Variants in ZHX2 observed in about 807,000 individuals in gnomAD.
ZHX2 encodes zinc fingers and homeoboxes 2.
ZHX2 carries 6 observed loss-of-function variants against 21.9 expected under a neutral mutation model. That is an observed-to-expected ratio of 0.27 (90% CI 0.15 to 0.54). The LOEUF is 0.54. Ranked by LOEUF, ZHX2 falls within the 20% of genes least tolerant of loss-of-function variation. ZHX2 has a pLI of 0.95. For missense variants in ZHX2, 908 were observed against 1,090.7 expected (o/e 0.83, Z 2.36); for synonymous variants, 434 against 437.1 (o/e 0.99, Z 0.09).
rs1445239644 is a variant in ZHX2, at chr8:122,828,351, A to G, written c.-282-35126A>G. ...GCATGTGCGTGTGTGTGTTAGTGAT[A>G]TGGAGGAAGAGGATCTCACTCACAC... On this transcript the variant is annotated intron_variant, in intron 1 of 3. Transcript: ENST00000314393. This position sits in a 1 kb window ranked among gnomAD's most constrained non-coding sequence, Gnocchi z 5.2. 6.6e-6 allele frequency among the ~76,000 whole-genome samples: 1 copy of G among 152,216 alleles called. No homozygotes were observed. Among genetic ancestry groups the G allele is most frequent in the Non-Finnish European group, 1.5e-5 (1 of 68,034 alleles).
In ZHX2 at chr8:122,953,106, G is replaced by A; in HGVS notation, c.1596G>A (p.Lys532=). 2.5e-6 allele frequency: 4 copies of A among 1,613,936 alleles called. No individual in the cohort carries two copies. The highest frequency in any genetic ancestry group is 3.4e-6 in the Non-Finnish European group (4 of 1,180,026). Residue 532 remains lysine (K), a synonymous_variant, in exon 3 of 4, where the codon AAG becomes AAA. Transcript: ENST00000314393. This position sits in a 1 kb window ranked among gnomAD's most constrained non-coding sequence, Gnocchi z 4.6. ...YHAYPDFAPQ[K]FKEKTQGQVK... The stretch of plus-strand genomic sequence containing the variant: ...CGTACCCAGACTTTGCCCCCCAGAA[G>A]TTCAAAGAGAAAACACAGGGTCAGG...
chr8:122,960,940 A>C (rs1423727071), intron 3 of ZHX2, among the ~76,000 whole-genome samples: 1 of 152,232 alleles, frequency 6.6e-6, no homozygotes, highest in African/African-American at 2.4e-5. Context: ...CATCTGCCCT[A>C]GTGGAAAATG....
At chr8:122,905,420 A>C (rs1820324236) in intron 2 of ZHX2, among the ~76,000 whole-genome samples, 1 of 152,244 alleles carries the variant, frequency 6.6e-6, no homozygotes, top group South Asian at 2.1e-4. Context: ...TATATCCATC[A>C]AAAACTATAT....
At chr8:122,873,183 T>TC (rs1563762939) in intron 2 of ZHX2, among the ~76,000 whole-genome samples, 1 of 152,088 alleles carries the variant, frequency 6.6e-6, no homozygotes, top group Non-Finnish European at 1.5e-5. Flanking sequence ...AAAAGCCTAG[T>TC]CGTTAAGAAA....
intron 1 of ZHX2, among the ~76,000 whole-genome samples, chr8:122,849,213 C>T (rs1394771783): frequency 2.0e-5 from 3 of 152,190 alleles, no homozygotes; most frequent in Non-Finnish European, 4.4e-5. Flanking sequence ...TTCCTTGTGG[C>T]TCTGAGTCTC....
intron 1 of ZHX2, among the ~76,000 whole-genome samples, chr8:122,843,000 G>A (rs1266423805): frequency 1.3e-5 from 2 of 152,224 alleles, no homozygotes; most frequent in African/African-American, 4.8e-5. Context: ...ATGCAGGCGT[G>A]ACACTTGGAG....
At position 122,952,659 on chromosome 8, in the gene ZHX2, C is replaced by A. The variant is rs775988224; in HGVS notation, c.1149C>A (p.Ser383Arg). 2 of 1,614,038 alleles carry A rather than the reference C, an allele frequency of 1.2e-6. No homozygotes were observed. Among genetic ancestry groups the A allele is most frequent in the South Asian group, 1.1e-5 (1 of 91,086 alleles). ...GCCTGGTGCTGACTCAGGTGACCAG[C>A]GGGTCAACAACCGTCTCTTGCTCCC... ...QTSLVLTQVT[S>R]GSTTVSCSPI... Residue 383 changes from serine (S) to arginine (R), a missense_variant, in exon 3 of 4, where the codon AGC (serine) becomes AGA (arginine). Around this residue, in one of 4 missense-constraint regions of ZHX2, gnomAD observed 232 missense variants for 361.8 expected, o/e 0.64. Transcript: ENST00000314393. This position sits in a 1 kb window ranked among gnomAD's most constrained non-coding sequence, Gnocchi z 6.9.
chr8:122,847,444 G>A (rs752309621), intron 1 of ZHX2, among the ~76,000 whole-genome samples: 22 of 152,150 alleles, frequency 1.4e-4, no homozygotes, highest in Non-Finnish European at 2.4e-4. Context: ...GGAGCACCCC[G>A]GGCCCTGATG....
chr8:122,845,290 C>T lies in ZHX2; in HGVS notation c.-282-18187C>T, dbSNP rs564625815. Among the ~76,000 whole-genome samples, 12 of 152,144 alleles carry T rather than the reference C, an allele frequency of 7.9e-5. No individual in the cohort carries two copies. In the South Asian group the frequency reaches 1.0e-3, roughly 13 times the overall value. ...AGTAAGGTTAATAAATGTTAACTGCCGCTATTGAAAATGTTGGAGATGATA... is the reference window on the plus strand; with the variant it reads ...AGTAAGGTTAATAAATGTTAACTGCTGCTATTGAAAATGTTGGAGATGATA... On this transcript the variant is annotated intron_variant, in intron 1 of 3. Coordinates refer to ENST00000314393, the MANE Select transcript of ZHX2 (RefSeq NM_014943.5).
At chr8:122,813,848 T>C (rs1817977899) in intron 1 of ZHX2, among the ~76,000 whole-genome samples, 1 of 152,208 alleles carries the variant, frequency 6.6e-6, no homozygotes, top group African/African-American at 2.4e-5. Flanking sequence ...TATATGCTAA[T>C]CTGCTAATTA....
At chr8:122,788,671 C>T (rs1817450679) in intron 1 of ZHX2, among the ~76,000 whole-genome samples, 1 of 152,192 alleles carries the variant, frequency 6.6e-6, no homozygotes, top group Non-Finnish European at 1.5e-5. Context: ...TCAAACTCAG[C>T]TCAGTCTGAT....
chr8:122,951,141 C>T (rs1452461822), intron 2 of ZHX2, among the ~76,000 whole-genome samples, 151 bp from the exon 3 acceptor site: 1 of 152,110 alleles, frequency 6.6e-6, no homozygotes, highest in Non-Finnish European at 1.5e-5. Flanking sequence ...TGTGATTTTT[C>T]GTGTTTCTAA....
intron 1 of ZHX2, among the ~76,000 whole-genome samples, chr8:122,822,436 C>G (rs746389939): frequency 2.6e-5 from 4 of 152,176 alleles, no homozygotes; most frequent in Non-Finnish European, 4.4e-5. Context: ...TAGCAGACCT[C>G]AGACTTGAAG....
intron 1 of ZHX2, among the ~76,000 whole-genome samples, chr8:122,812,503 A>G (rs574752414): frequency 6.6e-6 from 1 of 152,310 alleles, no homozygotes; most frequent in South Asian, 2.1e-4. Flanking sequence ...GCACGGAGCT[A>G]GGGTTCGGGT....
intron 2 of ZHX2, among the ~76,000 whole-genome samples, chr8:122,921,462 C>G (rs909681521): frequency 6.6e-6 from 1 of 152,190 alleles, no homozygotes; most frequent in Non-Finnish European, 1.5e-5. Context: ...CCATCCCCAC[C>G]ACCGCTGCTG....
Position 122,951,434 on chromosome 8 carries a change from C to T in ZHX2, c.-77C>T. On this transcript the variant is annotated 5_prime_UTR_variant, in exon 3 of 4. Transcript: ENST00000314393. ...GGGGAATAAAGCCAAAAGCCTTTCACCTTATTCGTTCCAAGAATCTCACCG... is the reference window on the plus strand; with the variant it reads ...GGGGAATAAAGCCAAAAGCCTTTCATCTTATTCGTTCCAAGAATCTCACCG... The T allele has an allele frequency of 7.5e-7, 1 of 1,333,256 alleles. No homozygotes were observed. The highest frequency in any genetic ancestry group is 1.0e-6 in the Non-Finnish European group (1 of 974,142). 82.6% of individuals were successfully genotyped at this position (1,333,256 alleles called of 1,614,324 possible).
chr8:122,957,562 G>A (rs113691723), intron 3 of ZHX2, among the ~76,000 whole-genome samples: 29,321 of 152,102 alleles, frequency 0.19, 2,991 homozygotes, highest in South Asian at 0.32. Flanking sequence ...CCGCCTCCCA[G>A]GTTCAAGCGA....
intron 1 of ZHX2, among the ~76,000 whole-genome samples, chr8:122,815,969 A>G (rs1313933138): frequency 6.6e-6 from 1 of 151,602 alleles, no homozygotes; most frequent in African/African-American, 2.4e-5. Flanking sequence ...AGTCCCAGCT[A>G]CTAGGGAGGC....
intron 2 of ZHX2, among the ~76,000 whole-genome samples, chr8:122,865,267 T>TA (rs1328237374): frequency 6.6e-6 from 1 of 152,094 alleles, no homozygotes; most frequent in African/African-American, 2.4e-5. Context: ...TAGCTGGGAC[T>TA]ACAGGTGCCC....
Sources: gnomAD v4.1 joint callset for allele counts (sites outside exome capture counted in the v4.1 genomes callset) on GRCh38, gnomAD v4.1.1 for gene constraint, gnomAD v4.1.1 regional missense constraint, Gnocchi (gnomAD v3.1) non-coding constraint, MANE v1.5 for transcripts, NCBI Gene and HGNC (gene_info 2026-07-23, HGNC 2026-07-21) for gene names.